GPHN: variants seen among roughly 807,000 people sequenced by gnomAD.
The protein encoded by GPHN is gephyrin.
Under a neutral mutation model 95.5 loss-of-function variants are expected in GPHN, and 17 were observed. The observed-to-expected ratio is 0.18, with a 90% CI of 0.12 to 0.27. GPHN has a LOEUF of 0.27. GPHN is among the 10% of genes least tolerant of loss of function. The pLI, the probability that GPHN is intolerant of heterozygous loss-of-function variation, is 1.00. For missense variants in GPHN, 660 were observed against 978.1 expected (o/e 0.67, Z 4.34); for synonymous variants, 320 against 322.5 (o/e 0.99, Z 0.08).
chr14:67,461,452 T>G, the GPHN span, among the ~76,000 whole-genome samples: 3 of 152,164 alleles, frequency 2.0e-5, no homozygotes, highest in Admixed American at 2.0e-4. Flanking sequence ...CCAGAAAGGC[T>G]GAGAAAGAGG....
chr14:67,678,320 G>T, the GPHN span: 2 of 1,599,698 alleles, frequency 1.3e-6, no homozygotes, highest in South Asian at 2.2e-5. Context: ...GGCACTGCCT[G>T]TTAGTCTATT....
At chr14:66,961,898 G>A (rs1338628249) in intron 8 of GPHN, among the ~76,000 whole-genome samples, 1 of 53,364 alleles carries the variant, frequency 1.9e-5, no homozygotes, top group African/African-American at 5.0e-5. Flanking sequence ...ATCCCTGAAT[G>A]TGTATATATA....
intron 2 of GPHN, among the ~76,000 whole-genome samples, chr14:66,684,970 A>T (rs573760525): frequency 6.6e-6 from 1 of 152,080 alleles, no homozygotes; most frequent in South Asian, 2.1e-4. Context: ...TCATTGTTCA[A>T]TTCCCACCTA....
At chr14:67,203,144 G>A in the GPHN span, 1 of 1,613,904 alleles carries the variant, frequency 6.2e-7, no homozygotes. Flanking sequence ...CCAACTGGGT[G>A]ACCGTAGGCA....
chr14:67,153,902 T>C (rs949495422), intron 18 of GPHN, among the ~76,000 whole-genome samples: 1 of 152,230 alleles, frequency 6.6e-6, no homozygotes, highest in African/African-American at 2.4e-5. Context: ...TCTCAGCCTT[T>C]ATCACTATGT....
At chr14:66,830,146 AG>A (rs986749543) in intron 4 of GPHN, among the ~76,000 whole-genome samples, 1 of 152,170 alleles carries the variant, frequency 6.6e-6, no homozygotes, top group African/African-American at 2.4e-5. Flanking sequence ...TTGCAAAAAA[AG>A]TTTGTCCACC....
chr14:67,336,649 G>C, the GPHN span: 1 of 448,884 alleles, frequency 2.2e-6, no homozygotes, highest in Non-Finnish European at 4.5e-6. Flanking sequence ...AATCATACTT[G>C]ACTTGCATTC....
the GPHN span, among the ~76,000 whole-genome samples, chr14:67,251,863 T>C: frequency 1.3e-5 from 2 of 152,162 alleles, no homozygotes; most frequent in African/African-American, 4.8e-5. Flanking sequence ...GACCAAGGCA[T>C]GGGGCCCCAC....
chr14:66,949,378 A>ATGAG (rs1179391846), intron 8 of GPHN, among the ~76,000 whole-genome samples: 1 of 152,184 alleles, frequency 6.6e-6, no homozygotes, highest in East Asian at 1.9e-4. Context: ...GATTATAGGT[A>ATGAG]TGAGTCACTG....
the GPHN span, among the ~76,000 whole-genome samples, chr14:67,280,209 G>C: frequency 6.6e-6 from 1 of 152,192 alleles, no homozygotes; most frequent in African/African-American, 2.4e-5. Flanking sequence ...GAATCTACAA[G>C]AGAGATTGAT....
rs571702133 is a variant in GPHN, at chr14:67,129,594, C to A, written c.1748+7217C>A. On this transcript the variant is annotated intron_variant, in intron 17 of 22. Coordinates refer to ENST00000478722, the MANE Select transcript of GPHN (RefSeq NM_020806.5). ...CATAGTATATATTTGTAGAACTTGA[C>A]AGATAACTAATGTAATAGAAACCTT... 2.0e-5 allele frequency among the ~76,000 whole-genome samples: 3 copies of A among 152,266 alleles called. No individual in the cohort carries two copies. In the South Asian group the frequency reaches 6.2e-4, roughly 32 times the overall value.
chr14:67,628,229 T>C, the GPHN span, among the ~76,000 whole-genome samples: 2 of 152,218 alleles, frequency 1.3e-5, no homozygotes, highest in Admixed American at 1.3e-4. Flanking sequence ...ATTCTTTTAT[T>C]TTATAGATAG....
chr14:67,322,956 A>G, the GPHN span, among the ~76,000 whole-genome samples: 1 of 152,192 alleles, frequency 6.6e-6, no homozygotes, highest in Non-Finnish European at 1.5e-5. Context: ...ATTGTCTTGC[A>G]CATGTGAAGT....
intron 1 of GPHN, among the ~76,000 whole-genome samples, chr14:66,530,768 C>T (rs890877113): frequency 2.6e-5 from 4 of 152,046 alleles, no homozygotes; most frequent in Admixed American, 6.5e-5. Context: ...CCTGCTTCTG[C>T]TCGCCCTCTG....
the GPHN span, among the ~76,000 whole-genome samples, chr14:67,520,518 A>G: frequency 1.0e-3 from 158 of 152,286 alleles, 1 homozygote; most frequent in East Asian, 0.028. Context: ...TTGATAGCTT[A>G]TTTCTTTTCA....
At chr14:67,451,770 C>A in the GPHN span, among the ~76,000 whole-genome samples, 1 of 152,090 alleles carries the variant, frequency 6.6e-6, no homozygotes, top group Admixed American at 6.6e-5. Context: ...GACTTTTGAG[C>A]TAATGCTGAA....
intron 8 of GPHN, among the ~76,000 whole-genome samples, chr14:66,931,873 T>C (rs911952514): frequency 1.3e-5 from 2 of 152,222 alleles, no homozygotes; most frequent in African/African-American, 4.8e-5. Flanking sequence ...TGGTGCCTTA[T>C]TTAGTTCATT....
At chr14:67,332,669 A>G in the GPHN span, 1 of 1,102,080 alleles carries the variant, frequency 9.1e-7, no homozygotes. Context: ...GTTGGGAGAG[A>G]CAGAAGGAAA....
chr14:67,318,166 A>G, the GPHN span, among the ~76,000 whole-genome samples: 2 of 152,242 alleles, frequency 1.3e-5, no homozygotes, highest in African/African-American at 4.8e-5. Context: ...CCCAAATAAT[A>G]AAGCAAAGGC....
Sources: gnomAD v4.1 joint callset for allele counts (sites outside exome capture counted in the v4.1 genomes callset) on GRCh38, gnomAD v4.1.1 for gene constraint, MANE v1.5 for transcripts, NCBI Gene and HGNC (gene_info 2026-07-23, HGNC 2026-07-21) for gene names.